C1orf52: variants seen among roughly 807,000 people sequenced by gnomAD.
C1orf52 encodes UPF0690 protein C1orf52.
C1orf52 carries 5 observed loss-of-function variants against 17.2 expected under a neutral mutation model. That is an observed-to-expected ratio of 0.29 (90% CI 0.15 to 0.61). C1orf52 has a LOEUF of 0.61. Ranked by LOEUF, C1orf52 falls within the 20% of genes least tolerant of loss-of-function variation. The probability of loss-of-function intolerance (pLI) is 0.85; values close to 1 mark genes in which losing one functional copy is unlikely to be tolerated. For synonymous variants in C1orf52, 110 were observed against 88.0 expected, an observed-to-expected ratio of 1.25 and a Z score of -1.40; for missense variants, 245 against 234.1, an observed-to-expected ratio of 1.05 and a Z score of -0.30.
intron 2 of C1orf52, among the ~76,000 whole-genome samples, chr1:85,255,402 T>G (rs1339336052): frequency 1.3e-5 from 2 of 151,928 alleles, no homozygotes; most frequent in African/African-American, 4.8e-5. Flanking sequence ...ATACAAAAAT[T>G]AGCTGGGCGT....
Position 85,259,605 on chromosome 1 carries a change from C to T in C1orf52, c.29G>A (p.Ser10Asn). ...GCTGCTCCCGTATGCCGCAAAATAG[C>T]TCAGAGGGTCCTTCTCCTCCGCTGC... MAAEEKDPL[S>N]YFAAYGSSSS... Residue 10 changes from serine (S) to asparagine (N), a missense_variant, in exon 1 of 3, where the codon AGC (serine) becomes AAC (asparagine). Physicochemically the swap from Ser to Asn is conservative, Grantham distance 46. Coordinates refer to ENST00000471115, the MANE Select transcript of C1orf52 (RefSeq NM_198077.4). 2.5e-6 allele frequency: 4 copies of T among 1,578,496 alleles called. No homozygotes were observed. Among genetic ancestry groups the T allele is most frequent in the Non-Finnish European group, 3.4e-6 (4 of 1,163,022 alleles).
intron 2 of C1orf52, among the ~76,000 whole-genome samples, chr1:85,253,892 T>C (rs1426394684): frequency 6.6e-6 from 1 of 152,238 alleles, no homozygotes; most frequent in African/African-American, 2.4e-5. Context: ...ATTTATAAAA[T>C]ACAAATTTAT....
rs1209161567 is a variant in C1orf52 at position 85,250,394 on chromosome 1, C to T, written c.*2235G>A. 6.6e-6 allele frequency: 1 copy of T among 152,168 alleles called. No homozygotes were observed. Among genetic ancestry groups the T allele is most frequent in the Non-Finnish European group, 1.5e-5 (1 of 68,038 alleles). 9.4% of individuals were successfully genotyped at this position (152,168 alleles called of 1,614,324 possible). On this transcript the variant is annotated 3_prime_UTR_variant, in exon 3 of 3. Transcript: ENST00000471115. ...GTATATGGATTTTTAAGACTTTTCC[C>T]CACTAGGTTTCCACTAGCTCAACCA...
In C1orf52 at chr1:85,259,623, T is replaced by C; in HGVS notation, c.11A>G (p.Glu4Gly). MAA[E>G]EKDPLSYFAA... ...AAAATAGCTCAGAGGGTCCTTCTCC[T>C]CCGCTGCCATGACGGCTGCGAGCGA... Residue 4 changes from glutamate (E) to glycine (G), a missense_variant, in exon 1 of 3, where the codon GAG (glutamate) becomes GGG (glycine). Coordinates refer to ENST00000471115, the MANE Select transcript of C1orf52 (RefSeq NM_198077.4). 1 of 1,556,688 alleles carries C rather than the reference T, an allele frequency of 6.4e-7. No individual in the cohort carries two copies. Among genetic ancestry groups the C allele is most frequent in the Non-Finnish European group, 8.7e-7 (1 of 1,149,700 alleles).
chr1:85,257,414 G>A (rs1659970042), intron 2 of C1orf52: 5 of 715,370 alleles, frequency 7.0e-6, no homozygotes, highest in Non-Finnish European at 1.0e-5. Flanking sequence ...AAGGTGCAAC[G>A]TATACTGAAA....
In C1orf52 at chr1:85,258,582, A is replaced by G. The variant is rs776383512; in HGVS notation, c.417T>C (p.Ala139=). ...SNIYEDNGDD[A]PQNAKKARLL... ...GCCTAGCTTTCTTAGCATTCTGTGG[A>G]GCATCATCACCATTGTCCTCATATA... The change falls in exon 2 of 3, where the codon GCT becomes GCC. Residue 139 remains alanine, a synonymous_variant. Transcript: ENST00000471115. 1.2e-6 allele frequency: 2 copies of G among 1,614,112 alleles called. No individual in the cohort carries two copies. Among genetic ancestry groups the G allele is most frequent in the Admixed American group, 1.7e-5 (1 of 60,024 alleles).
Position 85,250,561 on chromosome 1 carries a change from G to A in C1orf52, c.*2068C>T, listed in dbSNP as rs1659776692. On this transcript the variant is annotated 3_prime_UTR_variant, in exon 3 of 3. Transcript: ENST00000471115. ...GTTTTCCAACCAGGAGATACAAATG[G>A]CTGAGTCAGACTTGCTCCAAAATAT... 1 of 152,158 alleles carries A rather than the reference G, an allele frequency of 6.6e-6. No homozygotes were observed. Among genetic ancestry groups the A allele is most frequent in the African/African-American group, 2.4e-5 (1 of 41,436 alleles). 9.4% of individuals were successfully genotyped at this position (152,158 alleles called of 1,614,324 possible). A position where few individuals can be genotyped will look rare whatever the true frequency, so the allele number is the denominator to read the frequency against.
chr1:85,254,814 G>T (rs559752334), intron 2 of C1orf52, among the ~76,000 whole-genome samples: 1 of 152,218 alleles, frequency 6.6e-6, no homozygotes, highest in South Asian at 2.1e-4. Context: ...CATACATTTA[G>T]ATGATACTGA....
At position 85,259,391 on chromosome 1, in the gene C1orf52, GTCTA is replaced by G. The variant is rs756268201; in HGVS notation, c.239_242del (p.Ile80ThrfsTer46). Reference sequence around the variant, plus strand: ...GCGCCTTGACGACGTGCCTCTCCCAGTCTATCTGTTTGTTGAGCGGATTGTAGAG... The same window carrying G: ...GCGCCTTGACGACGTGCCTCTCCCAGTCTGTTTGTTGAGCGGATTGTAGAG... On this transcript the variant is annotated frameshift_variant, in exon 1 of 3. Coordinates refer to ENST00000471115, the MANE Select transcript of C1orf52 (RefSeq NM_198077.4). LOFTEE classifies it high-confidence loss of function. 12 of 1,613,910 alleles carry G rather than the reference GTCTA, an allele frequency of 7.4e-6. No homozygotes were observed. Among genetic ancestry groups the G allele is most frequent in the African/African-American group, 2.7e-5 (2 of 74,920 alleles).
At chr1:85,257,965 A>C (rs1425306152) in intron 2 of C1orf52, among the ~76,000 whole-genome samples, 1 of 151,898 alleles carries the variant, frequency 6.6e-6, no homozygotes, top group Admixed American at 6.6e-5. Context: ...AACAAAAAAA[A>C]CAAAACTAGC....
intron 2 of C1orf52, among the ~76,000 whole-genome samples, chr1:85,255,781 T>C (rs1388939193): frequency 1.6e-5 from 1 of 63,990 alleles, no homozygotes; most frequent in Non-Finnish European, 3.4e-5. Context: ...TAAAAAATTA[T>C]GACATAATTG....
At chr1:85,255,572 G>A (rs1170960386) in intron 2 of C1orf52, among the ~76,000 whole-genome samples, 1 of 151,850 alleles carries the variant, frequency 6.6e-6, no homozygotes, top group Non-Finnish European at 1.5e-5. Flanking sequence ...AAACCCGAAG[G>A]GCTGATAAGC....
Position 85,251,030 on chromosome 1 carries a change from G to A in C1orf52, c.*1599C>T, listed in dbSNP as rs1466278540. 5 of 152,160 alleles carry A rather than the reference G, an allele frequency of 3.3e-5. No homozygotes were observed. The highest frequency in any genetic ancestry group is 1.2e-4 in the African/African-American group (5 of 41,440). 9.4% of individuals were successfully genotyped at this position (152,160 alleles called of 1,614,324 possible). ...TCGATGATATACTGGAAGCCATCATGCTGTTATGGACCTTCATTCCACAAA... is the reference window on the plus strand; with the variant it reads ...TCGATGATATACTGGAAGCCATCATACTGTTATGGACCTTCATTCCACAAA... On this transcript the variant is annotated 3_prime_UTR_variant, in exon 3 of 3. Coordinates refer to ENST00000471115, the MANE Select transcript of C1orf52 (RefSeq NM_198077.4).
chr1:85,259,451 C>T lies in C1orf52; in HGVS notation c.183G>A (p.Glu61=). The stretch of plus-strand genomic sequence containing the variant: ...CCGGGCGAGTCACGCTCCTAAACAG[C>T]TCGTCAGGTCCCGGGAGCCGCTTCT... ...KAEKRLPGPD[E]LFRSVTRPAF... The change falls in exon 1 of 3, where the codon GAG becomes GAA. Residue 61 remains glutamate (E), a synonymous_variant. Transcript: ENST00000471115. 2 of 1,614,058 alleles carry T rather than the reference C, an allele frequency of 1.2e-6. No individual in the cohort carries two copies. Among genetic ancestry groups the T allele is most frequent in the East Asian group, 2.2e-5 (1 of 44,866 alleles).
Position 85,258,430 on chromosome 1 carries a change from G to A in C1orf52, c.475+94C>T, listed in dbSNP as rs373315826. ...GACCATCAAATTAGTTTGTCAATTC[G>A]CTAGATTTAATTTTCATTCATTAAA... On this transcript the variant is annotated intron_variant, in intron 2 of 2. Coordinates refer to ENST00000471115, the MANE Select transcript of C1orf52 (RefSeq NM_198077.4). The A allele has an allele frequency of 1.7e-4, 187 of 1,125,964 alleles. 1 individual carries two copies. In the African/African-American group the frequency reaches 2.8e-3, roughly 17 times the overall value. The allele number at this position is 1,125,964 out of a possible 1,614,324, so 69.7% of individuals were successfully genotyped here.
At chr1:85,253,028 G>GTCCAACCTGCCTTATTTGTTGTTGTT in intron 2 of C1orf52, among the ~76,000 whole-genome samples, 1 of 152,248 alleles carries the variant, frequency 6.6e-6, no homozygotes, top group East Asian at 1.9e-4. Context: ...CAGCAAGCTT[G>GTCCAACCTGCCTTATTTGTTGTTGTT]TCCAACCTGC....
chr1:85,254,732 TTTGAGA>T (rs1659888093), intron 2 of C1orf52, among the ~76,000 whole-genome samples: 1 of 152,224 alleles, frequency 6.6e-6, no homozygotes, highest in Non-Finnish European at 1.5e-5. Context: ...AAGCTCCTCT[TTTGAGA>T]TTTTCAGTAG....
chr1:85,258,961 C>T (rs1660018888), intron 1 of C1orf52: 1 of 1,389,748 alleles, frequency 7.2e-7, no homozygotes, highest in Non-Finnish European at 9.3e-7. Context: ...CTCAGAGATA[C>T]TACGCCAAGG....
intron 2 of C1orf52, among the ~76,000 whole-genome samples, chr1:85,256,271 T>C (rs1012662704): frequency 2.6e-5 from 4 of 152,222 alleles, no homozygotes; most frequent in Non-Finnish European, 5.9e-5. Context: ...AAGTCCCTAA[T>C]CTCAGATTGT....
Sources: allele counts gnomAD v4.1 joint callset (sites outside exome capture counted in the v4.1 genomes callset), GRCh38; gene constraint gnomAD v4.1.1; transcripts MANE v1.5; gene names NCBI Gene and HGNC (gene_info 2026-07-23, HGNC 2026-07-21).